Variants in AGBL1 observed in about 807,000 individuals in gnomAD.
AGBL1 encodes AGBL carboxypeptidase 1.
AGBL1 carries 130 observed loss-of-function variants against 118.9 expected under a neutral mutation model. That is an observed-to-expected ratio of 1.09 (90% CI 0.95 to 1.26). The LOEUF (loss-of-function observed/expected upper bound fraction) is 1.26. AGBL1 is among the 50% of genes most tolerant of loss of function. AGBL1 has a pLI of 0.00. For synonymous variants in AGBL1, 555 were observed against 478.9 expected (o/e 1.16, Z -2.08); for missense variants, 1,584 against 1,298.1 (o/e 1.22, Z -3.38).
intron 16 of AGBL1, among the ~76,000 whole-genome samples, chr15:86,283,415 T>A (rs914239247): frequency 2.0e-5 from 3 of 151,834 alleles, no homozygotes; most frequent in African/African-American, 7.3e-5. Flanking sequence ...AGCAGAATTT[T>A]TACCAGACAC....
intron 17 of AGBL1, among the ~76,000 whole-genome samples, chr15:86,358,037 C>T (rs1467572366): frequency 1.3e-5 from 2 of 151,942 alleles, no homozygotes; most frequent in Non-Finnish European, 2.9e-5. Flanking sequence ...GTGGTGAGAA[C>T]AATTAAGATA....
At chr15:86,340,529 C>CA (rs1409039198) in intron 17 of AGBL1, among the ~76,000 whole-genome samples, 1 of 152,148 alleles carries the variant, frequency 6.6e-6, no homozygotes, top group East Asian at 1.9e-4. Context: ...AGCCAAAGAT[C>CA]ATCTGGAGGC....
In AGBL1 at chr15:86,688,280, G is replaced by A. The variant is rs138591737; in HGVS notation, c.3158+13844G>A. Reference sequence around the variant, plus strand: ...GAGAAAGAGGAGGAGGAGAAGGGTGGGGAGGACAAGGGAGGAGAAAGAAGG... The same window carrying A: ...GAGAAAGAGGAGGAGGAGAAGGGTGAGGAGGACAAGGGAGGAGAAAGAAGG... On this transcript the variant is annotated intron_variant, in intron 22 of 22. Transcript: ENST00000614907. 4.5e-3 allele frequency among the ~76,000 whole-genome samples: 687 copies of A among 151,956 alleles called. 4 individuals carry two copies. The highest frequency in any genetic ancestry group is 0.016 in the African/African-American group (655 of 41,474).
At chr15:86,697,981 T>C (rs891280705) in intron 22 of AGBL1, among the ~76,000 whole-genome samples, 5 of 151,756 alleles carry the variant, frequency 3.3e-5, no homozygotes, top group Non-Finnish European at 7.4e-5. Context: ...AAAGAGTCTA[T>C]GAATTTTCTT....
At chr15:86,108,302 G>C (rs1385269076) in intron 1 of AGBL1, among the ~76,000 whole-genome samples, 3 of 152,182 alleles carry the variant, frequency 2.0e-5, no homozygotes, top group African/African-American at 7.2e-5. Context: ...AAGGTGAGAT[G>C]ATTTTGAGTG....
intron 24 of AGBL1, among the ~76,000 whole-genome samples, chr15:87,001,683 G>A (rs938812419): frequency 6.6e-6 from 1 of 152,062 alleles, no homozygotes; most frequent in Non-Finnish European, 1.5e-5. Flanking sequence ...TAACTGGTGG[G>A]AGATGATATC....
intron 18 of AGBL1, among the ~76,000 whole-genome samples, chr15:86,422,096 C>T (rs1052818937): frequency 6.6e-6 from 1 of 152,154 alleles, no homozygotes; most frequent in African/African-American, 2.4e-5. Flanking sequence ...ACCAAGTGGA[C>T]CTAATAGACA....
intron 6 of AGBL1, among the ~76,000 whole-genome samples, chr15:86,225,464 A>T (rs2078346918): frequency 6.6e-6 from 1 of 152,174 alleles, no homozygotes; most frequent in East Asian, 1.9e-4. Flanking sequence ...TTGGACAATG[A>T]TGATGCTGAT....
chr15:86,394,406 A>G (rs1390813068), intron 17 of AGBL1, among the ~76,000 whole-genome samples: 1 of 152,132 alleles, frequency 6.6e-6, no homozygotes, highest in Non-Finnish European at 1.5e-5. Flanking sequence ...CATTCTCCCT[A>G]CAACTATTTC....
intron 22 of AGBL1, among the ~76,000 whole-genome samples, chr15:86,766,864 C>T (rs2078103566): frequency 6.6e-6 from 1 of 151,844 alleles, no homozygotes; most frequent in African/African-American, 2.4e-5. Context: ...CACACACACA[C>T]ACACACCCCT....
intron 1 of AGBL1, among the ~76,000 whole-genome samples, chr15:86,119,829 G>T (rs776391049): frequency 2.0e-4 from 30 of 152,110 alleles, no homozygotes; most frequent in Non-Finnish European, 3.7e-4. Flanking sequence ...TTCTATCCTT[G>T]TGGATGGCTC....
chr15:86,341,280 G>C (rs934243065), intron 17 of AGBL1, among the ~76,000 whole-genome samples: 1 of 152,172 alleles, frequency 6.6e-6, no homozygotes, highest in Admixed American at 6.5e-5. Context: ...CCCTTTTCCT[G>C]ACTAGACAGA....
At chr15:86,706,837 G>A (rs1325974729) in intron 22 of AGBL1, among the ~76,000 whole-genome samples, 2 of 152,062 alleles carry the variant, frequency 1.3e-5, no homozygotes, top group Non-Finnish European at 2.9e-5. Context: ...CTAATTTGTT[G>A]TGGAATATTA....
chr15:86,464,114 C>G (rs1320261423), intron 18 of AGBL1, among the ~76,000 whole-genome samples: 3 of 152,056 alleles, frequency 2.0e-5, no homozygotes, highest in Non-Finnish European at 4.4e-5. Context: ...TCTTTTATTT[C>G]CTTGAGCAGT....
chr15:86,454,909 T>A (rs1450877913), intron 18 of AGBL1, among the ~76,000 whole-genome samples: 1 of 152,114 alleles, frequency 6.6e-6, no homozygotes, highest in South Asian at 2.1e-4. Context: ...TAATTTAAAA[T>A]AAAAACAAAA....
At chr15:86,694,655 G>A (rs1812864952) in intron 22 of AGBL1, among the ~76,000 whole-genome samples, 1 of 151,996 alleles carries the variant, frequency 6.6e-6, no homozygotes, top group Admixed American at 6.6e-5. Context: ...GGTGAGAGTG[G>A]TAATTCTTGT....
downstream of AGBL1, among the ~76,000 whole-genome samples, chr15:87,030,981 A>G (rs2081777423): frequency 6.6e-6 from 1 of 151,992 alleles, no homozygotes; most frequent in African/African-American, 2.4e-5. Flanking sequence ...ACTACTTCAG[A>G]GAAGAGTGAC....
Position 86,390,660 on chromosome 15 carries a change from A to ATTTTTTTTTTTTTTTTTTTT in AGBL1, c.2375-6699_2375-6680dup, listed in dbSNP as rs756052402. 3.4e-4 allele frequency among the ~76,000 whole-genome samples: 26 copies of ATTTTTTTTTTTTTTTTTTTT among 75,472 alleles called. 4 individuals carry two copies. Among genetic ancestry groups the ATTTTTTTTTTTTTTTTTTTT allele is most frequent in the Non-Finnish European group, 5.2e-4 (22 of 42,008 alleles). The allele number at this position is 75,472 out of a possible 152,430, so 49.5% of individuals were successfully genotyped here. On this transcript the variant is annotated intron_variant, in intron 17 of 22. Coordinates refer to ENST00000614907, the MANE Select transcript of AGBL1 (RefSeq NM_001386094.1). Reference sequence around the variant, plus strand: ...AGGCAGAAAAGTTATATACTGTATGATTTTTTTTTTTTTTTTTTTTTTTTT... The same window carrying ATTTTTTTTTTTTTTTTTTTT: ...AGGCAGAAAAGTTATATACTGTATGATTTTTTTTTTTTTTTTTTTTTTTTTTTTTTTTTTTTTTTTTTTTT...
At chr15:86,825,071 CAAACA>C (rs1202956479) in intron 22 of AGBL1, among the ~76,000 whole-genome samples, 1 of 151,698 alleles carries the variant, frequency 6.6e-6, no homozygotes, top group Non-Finnish European at 1.5e-5. Context: ...CAAAAACAAA[CAAACA>C]AAACAAAAAA....
Sources: allele counts gnomAD v4.1 joint callset (sites outside exome capture counted in the v4.1 genomes callset), GRCh38; gene constraint gnomAD v4.1.1; transcripts MANE v1.5; gene names NCBI Gene and HGNC (gene_info 2026-07-23, HGNC 2026-07-21).